Variants in CBFB observed in about 807,000 individuals in gnomAD.
CBFB encodes CBF-beta.
CBFB carries 9 observed loss-of-function variants against 30.4 expected under a neutral mutation model. That is an observed-to-expected ratio of 0.30 (90% CI 0.18 to 0.52). The LOEUF (loss-of-function observed/expected upper bound fraction) is 0.52, where lower values mean the gene tolerates loss of function less well. CBFB is among the 20% of genes least tolerant of loss of function. The pLI, the probability that CBFB is intolerant of heterozygous loss-of-function variation, is 0.97. For missense variants in CBFB, 170 were observed against 244.0 expected (o/e 0.70, Z 2.02); for synonymous variants, 94 against 84.0 (o/e 1.12, Z -0.65).
intron 3 of CBFB, among the ~76,000 whole-genome samples, chr16:67,058,778 T>TTC (rs779843813): frequency 6.6e-6 from 1 of 152,250 alleles, no homozygotes; most frequent in Admixed American, 6.5e-5. Context: ...TTACGTTTTC[T>TTC]TAATACGTCA....
chr16:67,058,560 C>CA (rs1261757763), intron 3 of CBFB, among the ~76,000 whole-genome samples: 1 of 152,148 alleles, frequency 6.6e-6, no homozygotes, highest in African/African-American at 2.4e-5. Flanking sequence ...TTGAACTCAT[C>CA]ATATATCCCC....
At chr16:67,040,589 T>A (rs1966512940) in intron 3 of CBFB, among the ~76,000 whole-genome samples, 1 of 152,232 alleles carries the variant, frequency 6.6e-6, no homozygotes, top group Admixed American at 6.5e-5. Flanking sequence ...AAAAAATTTA[T>A]TCATTCAGAA....
At chr16:67,041,742 G>A (rs1966533347) in intron 3 of CBFB, among the ~76,000 whole-genome samples, 1 of 149,872 alleles carries the variant, frequency 6.7e-6, no homozygotes, top group Non-Finnish European at 1.5e-5. Flanking sequence ...TGTGGTGGGA[G>A]CTTGTTATTG....
intron 3 of CBFB, among the ~76,000 whole-genome samples, chr16:67,037,363 G>C (rs1966458756): frequency 6.6e-6 from 1 of 152,038 alleles, no homozygotes; most frequent in Non-Finnish European, 1.5e-5. Context: ...TGTAAGTATA[G>C]TGCTATAAAA....
chr16:67,066,819 A>G, intron 4 of CBFB, 21 bp downstream of exon 4: 3 of 1,372,932 alleles, frequency 2.2e-6, no homozygotes, highest in Non-Finnish European at 3.1e-6. Flanking sequence ...ATCAGGCTTT[A>G]TTGAGCATGG....
intron 5 of CBFB, 138 bp downstream of exon 5, chr16:67,082,446 C>G: frequency 9.8e-7 from 1 of 1,024,524 alleles, no homozygotes; most frequent in East Asian, 2.6e-5. Context: ...TACTCTCTGG[C>G]TTTGTGTTTA....
chr16:67,059,976 C>CTTT (rs370856366), intron 3 of CBFB, among the ~76,000 whole-genome samples: 1 of 132,916 alleles, frequency 7.5e-6, no homozygotes, highest in African/African-American at 3.0e-5. Context: ...TTCTTTCTTT[C>CTTT]TTTTTTTTTT....
intron 4 of CBFB, among the ~76,000 whole-genome samples, chr16:67,072,309 G>C (rs2057422576): frequency 6.6e-6 from 1 of 152,004 alleles, no homozygotes; most frequent in Admixed American, 6.6e-5. Flanking sequence ...CAAAATAAAA[G>C]TTATATCTTT....
chr16:67,071,966 A>T (rs567023414), intron 4 of CBFB, among the ~76,000 whole-genome samples: 1 of 152,140 alleles, frequency 6.6e-6, no homozygotes, highest in African/African-American at 2.4e-5. Context: ...CCTCACTTCC[A>T]TGGCCCAACA....
At chr16:67,067,736 C>T (rs1394253702) in intron 4 of CBFB, among the ~76,000 whole-genome samples, 1 of 151,468 alleles carries the variant, frequency 6.6e-6, no homozygotes, top group East Asian at 1.9e-4. Flanking sequence ...AAAAGCAGGG[C>T]TTGGGAAAAA....
chr16:67,071,739 A>G (rs1961226866), intron 4 of CBFB, among the ~76,000 whole-genome samples: 1 of 152,160 alleles, frequency 6.6e-6, no homozygotes, highest in African/African-American at 2.4e-5. Context: ...GCATATGTAA[A>G]GGGCTGTGCC....
chr16:67,030,170 C>A (rs572325542), intron 2 of CBFB: 81 of 207,540 alleles, frequency 3.9e-4, no homozygotes, highest in African/African-American at 1.7e-3. Flanking sequence ...AGTGGAGCTT[C>A]ATTCAAGGTC....
intron 3 of CBFB, among the ~76,000 whole-genome samples, chr16:67,047,296 G>A (rs1484926630): frequency 1.3e-5 from 2 of 152,088 alleles, no homozygotes; most frequent in South Asian, 2.1e-4. Context: ...AAAATAAAAC[G>A]TGCCTCTTGG....
intron 5 of CBFB, among the ~76,000 whole-genome samples, chr16:67,096,137 C>G (rs1962039831): frequency 6.6e-6 from 1 of 151,888 alleles, no homozygotes; most frequent in African/African-American, 2.4e-5. Context: ...TGGCAAAACC[C>G]CATCACTACT....
intron 4 of CBFB, among the ~76,000 whole-genome samples, chr16:67,077,881 C>T (rs907763336): frequency 6.6e-6 from 1 of 152,108 alleles, no homozygotes; most frequent in Non-Finnish European, 1.5e-5. Flanking sequence ...CTTTATTTTC[C>T]ACATGGATTT....
chr16:67,064,621 C>T (rs935463894), intron 3 of CBFB, among the ~76,000 whole-genome samples: 10 of 152,072 alleles, frequency 6.6e-5, no homozygotes, highest in African/African-American at 2.4e-4. Flanking sequence ...ATAAAATATT[C>T]ACCTCAGGAT....
At chr16:67,046,706 T>TA (rs1360948627) in intron 3 of CBFB, among the ~76,000 whole-genome samples, 1 of 152,168 alleles carries the variant, frequency 6.6e-6, no homozygotes, top group African/African-American at 2.4e-5. Flanking sequence ...CATGCACTGA[T>TA]ACTTTTGTGA....
chr16:67,029,236 C>T lies in CBFB; in HGVS notation c.-172C>T, dbSNP rs1417800149. ...GCGTGGGTTGGGCTCGAGCGGGCGGCGGCGCCTCAGACTCCCCGGAACGGG... is the reference window on the plus strand; with the variant it reads ...GCGTGGGTTGGGCTCGAGCGGGCGGTGGCGCCTCAGACTCCCCGGAACGGG... On this transcript the variant is annotated 5_prime_UTR_variant, in exon 1 of 6. Coordinates refer to ENST00000412916, the MANE Select transcript of CBFB (RefSeq NM_022845.3). 1.8e-5 allele frequency: 6 copies of T among 337,616 alleles called. No individual in the cohort carries two copies. The highest frequency in any genetic ancestry group is 2.5e-5 in the Non-Finnish European group (5 of 196,440). 20.9% of individuals were successfully genotyped at this position (337,616 alleles called of 1,614,324 possible).
intron 3 of CBFB, among the ~76,000 whole-genome samples, chr16:67,064,972 A>G (rs764272344): frequency 1.3e-5 from 2 of 152,076 alleles, no homozygotes; most frequent in Non-Finnish European, 2.9e-5. Context: ...ATCTCGGCTC[A>G]CTGCAATCTC....
Sources: allele counts gnomAD v4.1 joint callset (sites outside exome capture counted in the v4.1 genomes callset), GRCh38; gene constraint gnomAD v4.1.1; transcripts MANE v1.5; gene names NCBI Gene and HGNC (gene_info 2026-07-23, HGNC 2026-07-21).